The following FURIN variants were observed in gnomAD, a reference collection of about 807,000 sequenced individuals.
FURIN encodes furin, paired basic amino acid cleaving enzyme.
In FURIN, 18 loss-of-function variants were observed where a neutral mutation model predicts 89.2. That is an observed-to-expected ratio of 0.20 (90% CI 0.14 to 0.30). The LOEUF (loss-of-function observed/expected upper bound fraction) is 0.30. Ranked by LOEUF, FURIN falls within the 10% of genes least tolerant of loss-of-function variation. The pLI is 1.00. For missense variants in FURIN, 879 were observed against 1,100.5 expected (o/e 0.80, Z 2.85); for synonymous variants, 508 against 466.4 (o/e 1.09, Z -1.15).
intron 1 of FURIN, among the ~76,000 whole-genome samples, chr15:90,873,887 CCTGCAGGGTGGGA>C (rs1308678342): frequency 6.6e-6 from 1 of 152,196 alleles, no homozygotes; most frequent in African/African-American, 2.4e-5. Context: ...GTACCCCCAG[CCTGCAGGGTGGGA>C]CTGCAGCAGT....
Position 90,879,948 on chromosome 15 carries a change from A to G in FURIN, c.1340A>G (p.Gln447Arg), listed in dbSNP as rs1319043172. ...LAQNWTTVAPQRKCIIDILTE... is the reference protein window; with the variant it reads ...LAQNWTTVAPRRKCIIDILTE... ...CAGAATTGGACCACAGTGGCCCCCC[A>G]GCGGAAGTGCATCATCGACATCCTC... Residue 447 changes from glutamine (Q) to arginine (R), a missense_variant, in exon 12 of 16, where the codon CAG becomes CGG. Coordinates refer to ENST00000268171, the MANE Select transcript of FURIN (RefSeq NM_002569.4). The G allele has an allele frequency of 3.1e-6, 5 of 1,613,030 alleles. No homozygotes were observed. Among genetic ancestry groups the G allele is most frequent in the Non-Finnish European group, 4.2e-6 (5 of 1,179,954 alleles).
chr15:90,880,377 T>C (rs1414454154), intron 13 of FURIN, 104 bp downstream of exon 13: 1 of 924,334 alleles, frequency 1.1e-6, no homozygotes, highest in East Asian at 2.6e-5. Flanking sequence ...TGAGTGCTAC[T>C]CAGTGGGGCA....
Position 90,881,084 on chromosome 15 carries a change from G to T in FURIN, c.1792+44G>T. Reference sequence around the variant, plus strand: ...TGGGCTTTGGGGGCCTGAGTCTGGGGGTAAGGCGGGTGCCTGTCCTGAAGC... The same window carrying T: ...TGGGCTTTGGGGGCCTGAGTCTGGGTGTAAGGCGGGTGCCTGTCCTGAAGC... On this transcript the variant is annotated intron_variant, in intron 15 of 15. Coordinates refer to ENST00000268171, the MANE Select transcript of FURIN (RefSeq NM_002569.4). The surrounding 1 kb of genome is among the most constrained non-coding windows in gnomAD (Gnocchi z 4.3). 2 of 1,413,200 alleles carry T rather than the reference G, an allele frequency of 1.4e-6. No individual in the cohort carries two copies. Among genetic ancestry groups the T allele is most frequent in the East Asian group, 2.3e-5 (1 of 43,920 alleles). The allele number at this position is 1,413,200 out of a possible 1,614,324, so 87.5% of individuals were successfully genotyped here.
In FURIN at chr15:90,879,720, A is replaced by G. The variant is rs772092933; in HGVS notation, c.1204A>G (p.Lys402Glu). The G allele has an allele frequency of 2.5e-6, 4 of 1,613,816 alleles. No individual in the cohort carries two copies. Among genetic ancestry groups the G allele is most frequent in the African/African-American group, 1.3e-5 (1 of 75,070 alleles). Residue 402 changes from lysine to glutamate, a missense_variant, in exon 11 of 16, where the codon AAG becomes GAG. Coordinates refer to ENST00000268171, the MANE Select transcript of FURIN (RefSeq NM_002569.4). The stretch of plus-strand genomic sequence containing the variant: ...GCAACACCTGGTGGTACAGACCTCG[A>G]AGCCAGCCCACCTCAATGCCAACGA... ...DMQHLVVQTS[K>E]PAHLNANDWA...
In FURIN at chr15:90,880,768, G is replaced by T; in HGVS notation, c.1634G>T (p.Gly545Val). The T allele has an allele frequency of 6.2e-7, 1 of 1,614,036 alleles. No individual in the cohort carries two copies. The highest frequency in any genetic ancestry group is 8.5e-7 in the Non-Finnish European group (1 of 1,179,952). ...TTHSWDEDPS[G>V]EWVLEIENTS... Reference sequence around the variant, plus strand: ...CATTCCTGGGATGAGGATCCCTCTGGCGAGTGGGTCCTAGAGATTGAAAAC... The same window carrying T: ...CATTCCTGGGATGAGGATCCCTCTGTCGAGTGGGTCCTAGAGATTGAAAAC... Residue 545 changes from glycine to valine, a missense_variant, in exon 14 of 16, where the codon GGC becomes GTC. Physicochemically the swap from Gly to Val is moderately radical, Grantham distance 109 (BLOSUM62 -3). Transcript: ENST00000268171.
At position 90,882,997 on chromosome 15, in the gene FURIN, AGGCTGACATCTGTGTTTCAAGTGG is replaced by A. The variant is rs2032092254; in HGVS notation, c.*1124_*1147del. 6.6e-6 allele frequency: 1 copy of A among 152,420 alleles called. No homozygotes were observed. Among genetic ancestry groups the A allele is most frequent in the African/African-American group, 2.4e-5 (1 of 41,402 alleles). 9.4% of individuals were successfully genotyped at this position (152,420 alleles called of 1,614,324 possible). The stretch of plus-strand genomic sequence containing the variant: ...GAAAGGGGGTCCCAGTGGGAGGGGC[AGGCTGACATCTGTGTTTCAAGTGG>A]GGCTCGCCATGCCGGGGGTTCATAG... On this transcript the variant is annotated 3_prime_UTR_variant, in exon 16 of 16. Coordinates refer to ENST00000268171, the MANE Select transcript of FURIN (RefSeq NM_002569.4).
Position 90,880,278 on chromosome 15 carries a change from T to C in FURIN, c.1556+5T>C, listed in dbSNP as rs745960783. The C allele has an allele frequency of 1.9e-6, 3 of 1,598,378 alleles. No homozygotes were observed. The South Asian group carries it at 3.3e-5, about 18-fold the overall frequency. ...CTCCACCCTGCTGGCAGCCAGGTGCTTGCTCTGTCCCTGCCCGCCCTGCCC... is the reference window on the plus strand; with the variant it reads ...CTCCACCCTGCTGGCAGCCAGGTGCCTGCTCTGTCCCTGCCCGCCCTGCCC... On this transcript the variant is annotated splice_donor_5th_base_variant and intron_variant, in intron 13 of 15. Coordinates refer to ENST00000268171, the MANE Select transcript of FURIN (RefSeq NM_002569.4).
intron 1 of FURIN, among the ~76,000 whole-genome samples, chr15:90,875,183 C>T (rs963026010): frequency 2.0e-5 from 3 of 151,912 alleles, no homozygotes; most frequent in East Asian, 3.9e-4. Context: ...TACAAGCACC[C>T]GCCACCACAC....
chr15:90,876,186 AC>A lies in FURIN; in HGVS notation c.178-64del, dbSNP rs2031609631. ...CGAGCCTCCCATGAAGCCGTTGTCC[AC>A]CCCCGTCCCCCGCCTCCCGGGGACT... is the stretch of plus-strand genomic sequence containing the variant. On this transcript the variant is annotated intron_variant, in intron 2 of 15. Coordinates refer to ENST00000268171, the MANE Select transcript of FURIN (RefSeq NM_002569.4). The surrounding 1 kb of genome is among the most constrained non-coding windows in gnomAD (Gnocchi z 5.0). The A allele has an allele frequency of 9.4e-7, 1 of 1,069,080 alleles. No individual in the cohort carries two copies. The highest frequency in any genetic ancestry group is 1.3e-5 in the South Asian group (1 of 79,158). The allele number at this position is 1,069,080 out of a possible 1,614,324, so 66.2% of individuals were successfully genotyped here.
chr15:90,875,930 C>T lies in FURIN; in HGVS notation c.177+13C>T, dbSNP rs1311289878. The T allele has an allele frequency of 6.4e-7, 1 of 1,562,644 alleles. No individual in the cohort carries two copies. The highest frequency in any genetic ancestry group is 8.7e-7 in the Non-Finnish European group (1 of 1,153,038). ...CAACCTGGGCCAGGTAGGTGTTCCC[C>T]CACAGGACACTGCCAGGGGGTGGGA... On this transcript the variant is annotated intron_variant, in intron 2 of 15. Coordinates refer to ENST00000268171, the MANE Select transcript of FURIN (RefSeq NM_002569.4).
chr15:90,881,994 G>A lies in FURIN; in HGVS notation c.*116G>A. Reference sequence around the variant, plus strand: ...ACCCCAGCTGGGAGGCAAGAGGGGTGGAGACTGCTTCCCATCCTACCCTCG... The same window carrying A: ...ACCCCAGCTGGGAGGCAAGAGGGGTAGAGACTGCTTCCCATCCTACCCTCG... On this transcript the variant is annotated 3_prime_UTR_variant, in exon 16 of 16. Transcript: ENST00000268171. The surrounding 1 kb of genome is among the most constrained non-coding windows in gnomAD (Gnocchi z 4.3). The A allele has an allele frequency of 1.3e-6, 1 of 765,794 alleles. No individual in the cohort carries two copies. The highest frequency in any genetic ancestry group is 2.1e-6 in the Non-Finnish European group (1 of 468,738). 47.4% of individuals were successfully genotyped at this position (765,794 alleles called of 1,614,324 possible). A position where few individuals can be genotyped will look rare whatever the true frequency, so the allele number is the denominator to read the frequency against.
chr15:90,879,063 C>CAAA, intron 9 of FURIN, 87 bp downstream of exon 9: 1 of 843,992 alleles, frequency 1.2e-6, no homozygotes. Flanking sequence ...TGTCTGCCTC[C>CAAA]ACCCCCATGT....
In FURIN at chr15:90,877,236, C is replaced by T. The variant is rs777403253; in HGVS notation, c.578+25C>T. The stretch of plus-strand genomic sequence containing the variant: ...GGTAAGAAGTGGCAGGCCCCGGTCT[C>T]TGCCTCCCTTCTCCTTTCTTCCACT... On this transcript the variant is annotated intron_variant, in intron 6 of 15. Transcript: ENST00000268171. 6 of 1,546,524 alleles carry T rather than the reference C, an allele frequency of 3.9e-6. No homozygotes were observed. In the African/African-American group the frequency reaches 5.5e-5, roughly 14 times the overall value.
chr15:90,869,507 T>TGG (rs1232035056), intron 1 of FURIN, among the ~76,000 whole-genome samples: 2 of 152,204 alleles, frequency 1.3e-5, no homozygotes, highest in African/African-American at 4.8e-5. Context: ...CCCTAAAATG[T>TGG]GAGACACTCT....
Position 90,880,116 on chromosome 15 carries a change from G to C in FURIN, c.1399G>C (p.Val467Leu). The change falls in exon 13 of 16, where the codon GTG becomes CTG. Residue 467 changes from valine (V) to leucine (L), a missense_variant. By Grantham distance (32) the Val-to-Leu change is conservative. Coordinates refer to ENST00000268171, the MANE Select transcript of FURIN (RefSeq NM_002569.4). Reference protein sequence around the residue: ...EPKDIGKRLEVRKTVTACLGE... With the variant: ...EPKDIGKRLELRKTVTACLGE... ...CAGAGACATCGGGAAACGGCTCGAG[G>C]TGCGGAAGACCGTGACCGCGTGCCT... is the stretch of plus-strand genomic sequence containing the variant. 1 of 1,607,702 alleles carries C rather than the reference G, an allele frequency of 6.2e-7. No homozygotes were observed.
chr15:90,872,797 G>A (rs765854904), intron 1 of FURIN: 2 of 152,206 alleles, frequency 1.3e-5, no homozygotes, highest in African/African-American at 4.8e-5. Flanking sequence ...TCTGCTAGAG[G>A]GAGAGACTGA....
rs545927137 is a variant in FURIN at position 90,881,896 on chromosome 15, C to G, written c.*18C>G. 3 of 1,531,014 alleles carry G rather than the reference C, an allele frequency of 2.0e-6. No homozygotes were observed. The highest frequency in any genetic ancestry group is 2.7e-6 in the Non-Finnish European group (3 of 1,116,302). The allele number at this position is 1,531,014 out of a possible 1,614,324, so 94.8% of individuals were successfully genotyped here. The stretch of plus-strand genomic sequence containing the variant: ...CCCTCTGATGAGCCCACTGCCCACC[C>G]CCTCAAGCCAATCCCCTCCTTGGGC... On this transcript the variant is annotated 3_prime_UTR_variant, in exon 16 of 16. Transcript: ENST00000268171. The surrounding 1 kb of genome is among the most constrained non-coding windows in gnomAD (Gnocchi z 4.3).
chr15:90,880,462 A>G (rs1313246882), intron 13 of FURIN, among the ~76,000 whole-genome samples, 189 bp downstream of exon 13: 4 of 152,220 alleles, frequency 2.6e-5, no homozygotes, highest in African/African-American at 4.8e-5. Context: ...GCTTGCAACC[A>G]TTTAATGTCA....
intron 1 of FURIN, among the ~76,000 whole-genome samples, chr15:90,871,233 C>G (rs868506184): frequency 9.2e-5 from 14 of 152,146 alleles, no homozygotes; most frequent in Middle Eastern, 3.2e-3. Flanking sequence ...TGAGGCAGGG[C>G]TCGGAGTGCC....
Sources: gnomAD v4.1 joint callset for allele counts (sites outside exome capture counted in the v4.1 genomes callset) on GRCh38, gnomAD v4.1.1 for gene constraint, Gnocchi (gnomAD v3.1) non-coding constraint, MANE v1.5 for transcripts, NCBI Gene and HGNC (gene_info 2026-07-23, HGNC 2026-07-21) for gene names.